The following DOCK3 variants were observed in gnomAD, a reference collection of about 807,000 sequenced individuals.
DOCK3 encodes the protein dedicator of cytokinesis protein 3.
Under a neutral mutation model 265.6 loss-of-function variants are expected in DOCK3, and 60 were observed. The observed-to-expected ratio is 0.23, with a 90% CI of 0.18 to 0.28. DOCK3 has a LOEUF of 0.28. DOCK3 is among the 10% of genes least tolerant of loss of function. DOCK3 has a pLI of 1.00. For missense variants in DOCK3, 1,981 were observed against 2,594.3 expected (o/e 0.76, Z 5.14); for synonymous variants, 881 against 938.0 (o/e 0.94, Z 1.11).
intron 9 of DOCK3, among the ~76,000 whole-genome samples, chr3:51,136,155 A>T (rs921330217): frequency 6.6e-6 from 1 of 151,978 alleles, no homozygotes; most frequent in Non-Finnish European, 1.5e-5. Flanking sequence ...AAAGCCTTGC[A>T]GTCTTTCAAG....
intron 3 of DOCK3, among the ~76,000 whole-genome samples, chr3:50,874,980 C>T (rs953743971): frequency 1.6e-4 from 24 of 152,216 alleles, no homozygotes; most frequent in African/African-American, 5.3e-4. Flanking sequence ...AAACACCACA[C>T]GTTCTCACTC....
chr3:51,016,041 C>CATAAT (rs1238586880), intron 5 of DOCK3, among the ~76,000 whole-genome samples: 1 of 12,578 alleles, frequency 8.0e-5, no homozygotes, highest in East Asian at 4.3e-3. Flanking sequence ...TATATTTCTA[C>CATAAT]ATATGATATA....
chr3:50,994,344 A>T (rs2078208211), intron 5 of DOCK3, among the ~76,000 whole-genome samples: 1 of 152,362 alleles, frequency 6.6e-6, no homozygotes, highest in South Asian at 2.1e-4. Context: ...TCTCACAGTC[A>T]TCCTGTGAGA....
intron 27 of DOCK3, among the ~76,000 whole-genome samples, chr3:51,297,844 T>G (rs1239859328): frequency 6.6e-6 from 1 of 152,006 alleles, no homozygotes; most frequent in Admixed American, 6.6e-5. Flanking sequence ...AGTCCCAGTT[T>G]AGTCCCAGCT....
intron 4 of DOCK3, among the ~76,000 whole-genome samples, chr3:50,915,721 G>T (rs1238280149): frequency 1.3e-5 from 2 of 151,958 alleles, no homozygotes; most frequent in East Asian, 1.9e-4. Flanking sequence ...TTCAGCTGAG[G>T]TACTGGGGTG....
intron 40 of DOCK3, among the ~76,000 whole-genome samples, chr3:51,351,008 C>T (rs772695258): frequency 3.3e-5 from 5 of 152,222 alleles, no homozygotes; most frequent in Admixed American, 6.5e-5. Flanking sequence ...CTACCGTTCC[C>T]TGGCAGGCTG....
chr3:50,836,020 TTTTG>T (rs2045487925), intron 2 of DOCK3, among the ~76,000 whole-genome samples: 1 of 152,342 alleles, frequency 6.6e-6, no homozygotes, highest in East Asian at 1.9e-4. Context: ...CCAAAGTATA[TTTTG>T]TTTATTACAC....
In DOCK3 at chr3:50,890,010, A is replaced by G; in HGVS notation, c.163-16A>G. The G allele has an allele frequency of 2.9e-6, 4 of 1,401,752 alleles. No homozygotes were observed. The highest frequency in any genetic ancestry group is 3.7e-6 in the Non-Finnish European group (4 of 1,084,358). 86.8% of individuals were successfully genotyped at this position (1,401,752 alleles called of 1,614,324 possible). A position where few individuals can be genotyped will look rare whatever the true frequency, so the allele number is the denominator to read the frequency against. On this transcript the variant is annotated splice_polypyrimidine_tract_variant and intron_variant, in intron 3 of 52. Coordinates refer to ENST00000266037, the MANE Select transcript of DOCK3 (RefSeq NM_004947.5). ...AATTTTATTTTTTCTAACAGGAAAT[A>G]TTTTCTCTTTTACAGGGGATCTTTC...
chr3:50,774,509 T>C (rs1371761521), intron 1 of DOCK3, among the ~76,000 whole-genome samples: 1 of 152,062 alleles, frequency 6.6e-6, no homozygotes, highest in Non-Finnish European at 1.5e-5. Flanking sequence ...AATTTTCTAA[T>C]TGTTTATTGA....
rs753112147 is a variant in DOCK3 at position 51,064,475 on chromosome 3, C to G, written c.343C>G (p.Leu115Val). 14 of 1,613,882 alleles carry G rather than the reference C, an allele frequency of 8.7e-6. No homozygotes were observed. The South Asian group carries it at 1.4e-4, about 16-fold the overall frequency. ...VKHKVDLFYK[L>V]RHVMNELIDL... is the part of the protein sequence containing the mutation. The stretch of plus-strand genomic sequence containing the variant: ...ACACAAAGTAGATCTTTTCTACAAA[C>G]TACGCCATGTGATGAATGAACTTAT... Residue 115 changes from leucine to valine, a missense_variant, in exon 6 of 53, where the codon CTA becomes GTA. Physicochemically the swap from Leu to Val is conservative, Grantham distance 32 (BLOSUM62 1). This residue lies in a region of DOCK3 where 456 missense variants were observed against 539.0 expected (regional missense o/e 0.85). Coordinates refer to ENST00000266037, the MANE Select transcript of DOCK3 (RefSeq NM_004947.5).
At chr3:51,013,176 C>G (rs2079020286) in intron 5 of DOCK3, among the ~76,000 whole-genome samples, 1 of 152,158 alleles carries the variant, frequency 6.6e-6, no homozygotes, top group Non-Finnish European at 1.5e-5. Context: ...GTTCTCCGTC[C>G]TGCTTTGTTC....
intron 21 of DOCK3, among the ~76,000 whole-genome samples, chr3:51,245,995 T>G (rs2078820101): frequency 6.6e-6 from 1 of 152,172 alleles, no homozygotes; most frequent in Non-Finnish European, 1.5e-5. Flanking sequence ...CTGACCTCTG[T>G]GCTTTGTTGC....
intron 2 of DOCK3, among the ~76,000 whole-genome samples, chr3:50,829,307 G>C (rs2044982507): frequency 6.6e-6 from 1 of 152,122 alleles, no homozygotes; most frequent in Non-Finnish European, 1.5e-5. Flanking sequence ...AAAAGTCACT[G>C]TGTTATTGAT....
At chr3:51,197,050 T>A (rs1042466183) in intron 12 of DOCK3, among the ~76,000 whole-genome samples, 2 of 151,792 alleles carry the variant, frequency 1.3e-5, no homozygotes, top group Non-Finnish European at 2.9e-5. Flanking sequence ...GTCTATGGTG[T>A]TGGTTGGGTA....
At chr3:50,720,660 A>G (rs1013622735) in intron 1 of DOCK3, among the ~76,000 whole-genome samples, 7 of 152,064 alleles carry the variant, frequency 4.6e-5, no homozygotes, top group African/African-American at 9.7e-5. Context: ...ATACCCAGTA[A>G]TGGGATTGCT....
intron 12 of DOCK3, among the ~76,000 whole-genome samples, chr3:51,202,891 A>G (rs543026730): frequency 1.3e-5 from 2 of 152,158 alleles, no homozygotes; most frequent in South Asian, 4.1e-4. Context: ...GTAATCCAGC[A>G]TATAAACAGA....
intron 3 of DOCK3, among the ~76,000 whole-genome samples, chr3:50,865,688 A>G (rs2047109097): frequency 6.6e-6 from 1 of 152,184 alleles, no homozygotes; most frequent in Non-Finnish European, 1.5e-5. Flanking sequence ...TTGCTGGATC[A>G]TATAGTAACT....
Position 51,359,595 on chromosome 3 carries a change from C to A in DOCK3, c.4885-916C>A, listed in dbSNP as rs2086592419. ...CAAACTTCCCCATCACAGCAGGTGA[C>A]CCAAGCAGGCTGGAGCCTGGCCAGT... On this transcript the variant is annotated intron_variant, in intron 46 of 52. Coordinates refer to ENST00000266037, the MANE Select transcript of DOCK3 (RefSeq NM_004947.5). This position sits in a 1 kb window ranked among gnomAD's most constrained non-coding sequence, Gnocchi z 4.8. Among the ~76,000 whole-genome samples, 1 of 152,184 alleles carries A rather than the reference C, an allele frequency of 6.6e-6. No individual in the cohort carries two copies. The highest frequency in any genetic ancestry group is 1.5e-5 in the Non-Finnish European group (1 of 68,026).
chr3:50,967,025 T>C (rs2077053570), intron 5 of DOCK3, among the ~76,000 whole-genome samples: 1 of 152,200 alleles, frequency 6.6e-6, no homozygotes, highest in African/African-American at 2.4e-5. Flanking sequence ...CAAACACTTA[T>C]AATTTCTTTG....
Sources: gnomAD v4.1 joint callset for allele counts (sites outside exome capture counted in the v4.1 genomes callset) on GRCh38, gnomAD v4.1.1 for gene constraint, gnomAD v4.1.1 regional missense constraint, Gnocchi (gnomAD v3.1) non-coding constraint, MANE v1.5 for transcripts, NCBI Gene and HGNC (gene_info 2026-07-23, HGNC 2026-07-21) for gene names.